Variants in FSTL1 observed in about 807,000 individuals in gnomAD.
FSTL1 encodes the protein follistatin-related protein 1.
A neutral mutation model predicts 45.9 loss-of-function variants in FSTL1; 24 were observed. The ratio of observed to expected loss-of-function variants is 0.52; its 90% CI spans 0.38 to 0.74. The LOEUF (loss-of-function observed/expected upper bound fraction) is 0.74, where lower values mean the gene tolerates loss of function less well. FSTL1 is among the 30% of genes least tolerant of loss of function. The pLI, the probability that FSTL1 is intolerant of heterozygous loss-of-function variation, is 0.00. For synonymous variants in FSTL1, 120 were observed against 137.6 expected, an observed-to-expected ratio of 0.87 and a Z score of 0.89; for missense variants, 340 against 381.8, an observed-to-expected ratio of 0.89 and a Z score of 0.91.
chr3:120,439,357 C>T (rs1576227057), intron 2 of FSTL1, among the ~76,000 whole-genome samples: 1 of 152,332 alleles, frequency 6.6e-6, no homozygotes, highest in African/African-American at 2.4e-5. Context: ...ACTAGACTGA[C>T]TTGTGCAACA....
At chr3:120,406,803 C>G (rs1936956538) in intron 6 of FSTL1, among the ~76,000 whole-genome samples, 1 of 152,026 alleles carries the variant, frequency 6.6e-6, no homozygotes. Flanking sequence ...TGCCTCTTTC[C>G]CCAGCTCTAT....
chr3:120,425,621 A>G (rs921376083), intron 2 of FSTL1, among the ~76,000 whole-genome samples: 2 of 152,226 alleles, frequency 1.3e-5, no homozygotes, highest in African/African-American at 4.8e-5. Context: ...TAAGAATTCT[A>G]TTAATTAGAA....
intron 10 of FSTL1, among the ~76,000 whole-genome samples, chr3:120,399,223 A>C (rs1351756731): frequency 6.6e-6 from 1 of 151,878 alleles, no homozygotes; most frequent in Non-Finnish European, 1.5e-5. Flanking sequence ...ATGGGCCAGG[A>C]GTTCAACAGT....
intron 2 of FSTL1, among the ~76,000 whole-genome samples, chr3:120,428,369 G>A (rs1424415270): frequency 6.6e-6 from 1 of 152,212 alleles, no homozygotes; most frequent in Non-Finnish European, 1.5e-5. Context: ...TAGTAGGGAT[G>A]TCAGGGTTGA....
chr3:120,401,778 C>T (rs2319741), intron 9 of FSTL1, among the ~76,000 whole-genome samples: 7,853 of 152,154 alleles, frequency 0.052, 422 homozygotes, highest in Admixed American at 0.17. Context: ...GACATGGTCT[C>T]GCTATGTTGG....
chr3:120,411,955 C>T lies in FSTL1; in HGVS notation c.197G>A (p.Cys66Tyr). Residue 66 changes from cysteine to tyrosine, a missense_variant, in exon 4 of 11, where the codon TGT (cysteine) becomes TAT (tyrosine). By Grantham distance (194) the Cys-to-Tyr change is radical. Transcript: ENST00000295633. The part of the protein sequence containing the change: ...EQCKPHKRPV[C>Y]GSNGKTYLNH... Reference sequence around the variant, plus strand: ...GAGGTAGGTCTTGCCATTACTGCCACACACAGGCCTCTTGTGAGGTTTGCA... The same window carrying T: ...GAGGTAGGTCTTGCCATTACTGCCATACACAGGCCTCTTGTGAGGTTTGCA... 2 of 1,612,840 alleles carry T rather than the reference C, an allele frequency of 1.2e-6. No homozygotes were observed. Among genetic ancestry groups the T allele is most frequent in the Non-Finnish European group, 1.7e-6 (2 of 1,179,022 alleles).
intron 2 of FSTL1, among the ~76,000 whole-genome samples, chr3:120,433,798 G>C (rs1348730610): frequency 6.6e-6 from 1 of 152,190 alleles, no homozygotes; most frequent in Admixed American, 6.5e-5. Context: ...AAGTAGAAAA[G>C]TGCAAAGGTT....
At chr3:120,423,206 A>T (rs1032318405) in intron 2 of FSTL1, 6 of 151,944 alleles carry the variant, frequency 3.9e-5, no homozygotes, top group African/African-American at 1.5e-4. Flanking sequence ...GTCTTTTCAG[A>T]CTGAAGAATC....
intron 2 of FSTL1, among the ~76,000 whole-genome samples, chr3:120,439,393 A>C (rs751764067): frequency 2.6e-5 from 4 of 152,246 alleles, no homozygotes; most frequent in Non-Finnish European, 5.9e-5. Context: ...CTGTGGGTAC[A>C]AGAAACCAGA....
At chr3:120,406,799 T>C (rs1936956399) in intron 6 of FSTL1, among the ~76,000 whole-genome samples, 1 of 152,078 alleles carries the variant, frequency 6.6e-6, no homozygotes, top group African/African-American at 2.4e-5. Flanking sequence ...TCTGTGCCTC[T>C]TTCCCCAGCT....
intron 2 of FSTL1, among the ~76,000 whole-genome samples, chr3:120,436,030 G>A (rs1412819585): frequency 6.6e-6 from 1 of 151,212 alleles, no homozygotes; most frequent in East Asian, 2.0e-4. Context: ...TGTTTTTACA[G>A]GATTTCATAT....
intron 3 of FSTL1, among the ~76,000 whole-genome samples, chr3:120,412,832 G>GCACACACA (rs1451579944): frequency 1.6e-5 from 2 of 128,538 alleles, no homozygotes; most frequent in East Asian, 3.7e-4. Flanking sequence ...GCGCGCGCGC[G>GCACACACA]CGCGCGCACA....
chr3:120,446,248 T>G (rs982726628), intron 2 of FSTL1, among the ~76,000 whole-genome samples: 1 of 152,238 alleles, frequency 6.6e-6, no homozygotes, highest in Non-Finnish European at 1.5e-5. Flanking sequence ...CCCACTGACT[T>G]CAAAGACTTT....
At chr3:120,439,218 G>A (rs1937603042) in intron 2 of FSTL1, among the ~76,000 whole-genome samples, 2 of 152,166 alleles carry the variant, frequency 1.3e-5, no homozygotes, top group South Asian at 2.1e-4. Flanking sequence ...TCCAGGCTGG[G>A]GGTTTACTCT....
At chr3:120,448,801 G>A (rs1037555087) in intron 2 of FSTL1, among the ~76,000 whole-genome samples, 1 of 152,200 alleles carries the variant, frequency 6.6e-6, no homozygotes. Flanking sequence ...TGTGTGGAAG[G>A]GGGTTGGGAG....
At chr3:120,438,032 A>T (rs1256956220) in intron 2 of FSTL1, among the ~76,000 whole-genome samples, 1 of 152,178 alleles carries the variant, frequency 6.6e-6, no homozygotes, top group Non-Finnish European at 1.5e-5. Flanking sequence ...GATCCTGATC[A>T]TGGGCCAGGC....
chr3:120,422,256 G>A (rs75855936), intron 2 of FSTL1, among the ~76,000 whole-genome samples: 3,040 of 152,270 alleles, frequency 0.02, 104 homozygotes, highest in African/African-American at 0.07. Context: ...GAGATCTAAT[G>A]TACAGCATGG....
At chr3:120,403,588 A>G (rs1447173182) in intron 7 of FSTL1, among the ~76,000 whole-genome samples, 3 of 152,256 alleles carry the variant, frequency 2.0e-5, no homozygotes, top group South Asian at 2.1e-4. Context: ...AGGCTGTCCA[A>G]ATGTTCCCCC....
At chr3:120,422,624 G>A (rs1937299749) in intron 2 of FSTL1, among the ~76,000 whole-genome samples, 3 of 152,160 alleles carry the variant, frequency 2.0e-5, no homozygotes, top group Admixed American at 2.0e-4. Context: ...ATGACATCCA[G>A]ATAAGAGATA....
Sources: gnomAD v4.1 joint callset for allele counts (sites outside exome capture counted in the v4.1 genomes callset) on GRCh38, gnomAD v4.1.1 for gene constraint, MANE v1.5 for transcripts, NCBI Gene and HGNC (gene_info 2026-07-23, HGNC 2026-07-21) for gene names.